ATIC: variants seen among roughly 807,000 people sequenced by gnomAD.
The protein encoded by ATIC is bifunctional purine biosynthesis protein ATIC.
A neutral mutation model predicts 72.5 loss-of-function variants in ATIC; 64 were observed. The observed-to-expected ratio is 0.88, with a 90% CI of 0.72 to 1.09. ATIC has a LOEUF of 1.09. ATIC is among the 50% of genes least tolerant of loss of function. The pLI, the probability that ATIC is intolerant of heterozygous loss-of-function variation, is 0.00. For missense variants in ATIC, 787 were observed against 732.4 expected, an observed-to-expected ratio of 1.07 and a Z score of -0.86; for synonymous variants, 281 against 267.1, an observed-to-expected ratio of 1.05 and a Z score of -0.51.
chr2:215,354,832 G>T, the ATIC span, among the ~76,000 whole-genome samples: 1 of 151,240 alleles, frequency 6.6e-6, no homozygotes, highest in Admixed American at 6.6e-5. Flanking sequence ...GTGGTATGTT[G>T]GCCTGTGAGC....
Position 215,312,266 on chromosome 2 carries a change from C to T in ATIC, c.19+105C>T, listed in dbSNP as rs1180387698. ...ACCCGGCACTGCAGGGGCGGCGCTG[C>T]GGGATTGAAAGCCAGCGTCCCCGCT... On this transcript the variant is annotated intron_variant, in intron 1 of 15. Transcript: ENST00000236959. 3 of 1,449,700 alleles carry T rather than the reference C, an allele frequency of 2.1e-6. No individual in the cohort carries two copies. In the East Asian group the frequency reaches 7.5e-5, roughly 36 times the overall value. The allele number at this position is 1,449,700 out of a possible 1,614,324, so 89.8% of individuals were successfully genotyped here.
chr2:215,329,215 T>A (rs1393489754), intron 7 of ATIC, among the ~76,000 whole-genome samples: 1 of 152,214 alleles, frequency 6.6e-6, no homozygotes. Context: ...ATTTCCTGCT[T>A]ATAGTTTATA....
intron 12 of ATIC, among the ~76,000 whole-genome samples, chr2:215,341,954 C>T (rs1347772611): frequency 2.6e-5 from 4 of 152,144 alleles, no homozygotes; most frequent in Non-Finnish European, 4.4e-5. Context: ...GCAGAAGGCA[C>T]CTCTTCAGAG....
the ATIC span, chr2:215,361,671 T>TAA: frequency 7.0e-7 from 1 of 1,419,404 alleles, no homozygotes; most frequent in Admixed American, 1.7e-5. Flanking sequence ...GCAAATACTG[T>TAA]AAAGTGTACA....
intron 11 of ATIC, among the ~76,000 whole-genome samples, chr2:215,337,508 A>AG (rs1387458448): frequency 6.6e-6 from 1 of 152,102 alleles, no homozygotes; most frequent in Non-Finnish European, 1.5e-5. Context: ...CTGGGACTAC[A>AG]GGCATGTACT....
chr2:215,330,572 A>G (rs1174453983), intron 7 of ATIC, among the ~76,000 whole-genome samples: 1 of 152,146 alleles, frequency 6.6e-6, no homozygotes. Flanking sequence ...ATTTGGAAAA[A>G]TGCACAGTGG....
intron 7 of ATIC, among the ~76,000 whole-genome samples, chr2:215,327,290 G>T (rs566898068): frequency 6.8e-4 from 104 of 152,302 alleles, no homozygotes; most frequent in Non-Finnish European, 1.2e-3. Context: ...AAGCCTTGGG[G>T]TAAAGGCTTG....
At chr2:215,338,600 T>C (rs1004514060) in intron 11 of ATIC, among the ~76,000 whole-genome samples, 179 bp from the exon 12 acceptor site, 5 of 152,196 alleles carry the variant, frequency 3.3e-5, no homozygotes, top group African/African-American at 1.2e-4. Context: ...AATTGTATCA[T>C]ACCAGAATGA....
intron 1 of ATIC, 91 bp downstream of exon 1, chr2:215,312,252 C>CA: frequency 6.9e-7 from 1 of 1,458,748 alleles, no homozygotes; most frequent in Non-Finnish European, 9.0e-7. Context: ...CCCGGCACTG[C>CA]AGGGGCGGCG....
chr2:215,313,316 G>A (rs1438161145), intron 2 of ATIC, among the ~76,000 whole-genome samples: 11 of 152,194 alleles, frequency 7.2e-5, no homozygotes, highest in Admixed American at 7.2e-4. Flanking sequence ...CAATTTACCT[G>A]CCTTCCCTTA....
At chr2:215,367,683 G>T in the ATIC span, 2 of 672,310 alleles carry the variant, frequency 3.0e-6, no homozygotes, top group East Asian at 2.7e-5. Context: ...TGTCCAACAA[G>T]TAAAATTTCC....
chr2:215,363,455 T>C, the ATIC span: 1 of 152,158 alleles, frequency 6.6e-6, no homozygotes, highest in Non-Finnish European at 1.5e-5. Context: ...TCCATCAGAA[T>C]TGGGAGCACC....
At chr2:215,345,448 TTAAATACCAAACATTTCTC>T (rs2053061430) in intron 13 of ATIC, 3 of 166,150 alleles carry the variant, frequency 1.8e-5, no homozygotes, top group Non-Finnish European at 4.0e-5. Context: ...GCTGCCACAA[TTAAATACCAAACATTTCTC>T]ACTGTGTGAC....
chr2:215,312,353 G>C (rs890784533), intron 1 of ATIC, 145 bp from the exon 2 acceptor site: 26 of 1,523,064 alleles, frequency 1.7e-5, no homozygotes, highest in Admixed American at 5.1e-5. Flanking sequence ...TGTAAGACCT[G>C]GGGAGGCCCG....
downstream of ATIC, among the ~76,000 whole-genome samples, chr2:215,350,525 AGAGG>A (rs370298082): frequency 3.9e-3 from 596 of 152,296 alleles, 4 homozygotes; most frequent in African/African-American, 0.013. Context: ...CTGGAACCTT[AGAGG>A]GGATTGGTTT....
rs535214013 is a variant in ATIC at position 215,315,418 on chromosome 2, A to G, written c.147-2739A>G. ...GTCACCCAGGCTGGAGTGCAGTGGC[A>G]CAATCATGGCTAATTGCAGCCTCGA... On this transcript the variant is annotated intron_variant, in intron 2 of 15. Transcript: ENST00000236959. 2.6e-5 allele frequency among the ~76,000 whole-genome samples: 4 copies of G among 152,198 alleles called. No individual in the cohort carries two copies. In the South Asian group the frequency reaches 6.2e-4, roughly 24 times the overall value.
At chr2:215,335,158 T>G (rs7594036) in intron 10 of ATIC, among the ~76,000 whole-genome samples, 154 bp downstream of exon 10, 152,186 of 152,204 alleles carry the variant, frequency 1, 76,084 homozygotes, top group Non-Finnish European at 1. Flanking sequence ...AATAGAACAT[T>G]AATCTTAAAT....
chr2:215,367,856 T>C, the ATIC span: 1,714 of 1,613,810 alleles, frequency 1.1e-3, 19 homozygotes, highest in South Asian at 0.011. Context: ...ACAAAGCAAC[T>C]ACTCACTAGA....
chr2:215,324,352 G>A (rs1385045949), intron 4 of ATIC, among the ~76,000 whole-genome samples: 1 of 152,128 alleles, frequency 6.6e-6, no homozygotes, highest in Admixed American at 6.5e-5. Flanking sequence ...CTGTTGAATT[G>A]TGTCAGATCC....
Sources: allele counts gnomAD v4.1 joint callset (sites outside exome capture counted in the v4.1 genomes callset), GRCh38; gene constraint gnomAD v4.1.1; transcripts MANE v1.5; gene names NCBI Gene and HGNC (gene_info 2026-07-23, HGNC 2026-07-21).